The following HEATR1 variants were observed in gnomAD, a reference collection of about 807,000 sequenced individuals.
HEATR1 encodes the protein HEAT repeat-containing protein 1.
A neutral mutation model predicts 248.2 loss-of-function variants in HEATR1; 77 were observed. The ratio of observed to expected loss-of-function variants is 0.31; its 90% CI spans 0.26 to 0.37. The LOEUF is 0.37. Ranked by LOEUF, HEATR1 falls within the 10% of genes least tolerant of loss-of-function variation. The pLI is 1.00. For synonymous variants in HEATR1, 897 were observed against 923.1 expected (o/e 0.97, Z 0.51); for missense variants, 2,420 against 2,504.9 (o/e 0.97, Z 0.72).
chr1:236,600,542 T>TC (rs935066005), intron 3 of HEATR1, among the ~76,000 whole-genome samples: 8 of 151,670 alleles, frequency 5.3e-5, no homozygotes, highest in Non-Finnish European at 1.0e-4. Flanking sequence ...TTATTAGATT[T>TC]TTTTTTTTTT....
Position 236,553,728 on chromosome 1 carries a change from C to T in HEATR1, c.6090G>A (p.Arg2030=), listed in dbSNP as rs1378460333. Residue 2030 remains arginine (R), a synonymous_variant, in exon 43 of 45, where the codon AGG becomes AGA. Transcript: ENST00000366582. ...CCTGGAATTTCTCTTCTCCCCCAAG[C>T]CTGTTTTCCAGCTAGGAAGAGTAAG... ...MMPLVDQLEN[R]LGGEEKFQER... The T allele has an allele frequency of 6.2e-7, 1 of 1,611,976 alleles. No individual in the cohort carries two copies. The highest frequency in any genetic ancestry group is 1.1e-5 in the South Asian group (1 of 90,604).
In HEATR1 at chr1:236,549,114, G is replaced by C; in HGVS notation, c.*1788C>G. 1 of 397,566 alleles carries C rather than the reference G, an allele frequency of 2.5e-6. No homozygotes were observed. The allele number at this position is 397,566 out of a possible 1,614,324, so 24.6% of individuals were successfully genotyped here. On this transcript the variant is annotated 3_prime_UTR_variant, in exon 45 of 45. Transcript: ENST00000366582. ...GTACGCCAACTAAGGGACCCACAAAGCAGGCAGAGGTAATGCAGAAATCTG... is the reference window on the plus strand; with the variant it reads ...GTACGCCAACTAAGGGACCCACAAACCAGGCAGAGGTAATGCAGAAATCTG...
intron 4 of HEATR1, among the ~76,000 whole-genome samples, chr1:236,598,365 C>A (rs1664230259): frequency 6.6e-6 from 1 of 152,148 alleles, no homozygotes; most frequent in Non-Finnish European, 1.5e-5. Flanking sequence ...TAGGAAACTG[C>A]ACAACTTATA....
Position 236,574,795 on chromosome 1 carries a change from C to G in HEATR1, c.3193G>C (p.Gly1065Arg), listed in dbSNP as rs1663523608. ...GAAACTGAAAATTCATTATACTTTCCCAGAGTGAGATGCAGAACCATGGCC... is the reference window on the plus strand; with the variant it reads ...GAAACTGAAAATTCATTATACTTTCGCAGAGTGAGATGCAGAACCATGGCC... ...DEAMVLHLTL[G>R]KYNEFSVSLL... Residue 1065 changes from glycine to arginine, a missense_variant, in exon 23 of 45, where the codon GGA (glycine) becomes CGA (arginine). By Grantham distance (125) the Gly-to-Arg change is moderately radical (BLOSUM62 -2). Transcript: ENST00000366582. 6.2e-7 allele frequency: 1 copy of G among 1,613,850 alleles called. No homozygotes were observed. Among genetic ancestry groups the G allele is most frequent in the Admixed American group, 1.7e-5 (1 of 60,000 alleles).
rs936555791 is a variant in HEATR1, at chr1:236,589,823, T to C, written c.1530+1024A>G. 8.5e-5 allele frequency among the ~76,000 whole-genome samples: 13 copies of C among 152,312 alleles called. No individual in the cohort carries two copies. In the South Asian group the frequency reaches 2.1e-3, roughly 24 times the overall value. On this transcript the variant is annotated intron_variant, in intron 12 of 44. Coordinates refer to ENST00000366582, the MANE Select transcript of HEATR1 (RefSeq NM_018072.6). ...ATTCCTATTTTAATTATAGTAACTA[T>C]AGTAAAATGCATATACAATTAGCAC... is the stretch of plus-strand genomic sequence containing the variant.
chr1:236,600,118 ATTTTTT>A (rs67344658), intron 3 of HEATR1, among the ~76,000 whole-genome samples: 9 of 50,322 alleles, frequency 1.8e-4, no homozygotes, highest in African/African-American at 6.4e-4. Context: ...GTCTGTCAAC[ATTTTTT>A]TTTTTTTTTT....
chr1:236,590,842 C>A lies in HEATR1; in HGVS notation c.1530+5G>T. On this transcript the variant is annotated splice_donor_5th_base_variant and intron_variant, in intron 12 of 44. Transcript: ENST00000366582. Reference sequence around the variant, plus strand: ...AACCATATAAAAAAGCGATCTGAAACAAACCTTTGATGTTTTCATGATCTT... The same window carrying A: ...AACCATATAAAAAAGCGATCTGAAAAAAACCTTTGATGTTTTCATGATCTT... 1 of 1,429,214 alleles carries A rather than the reference C, an allele frequency of 7.0e-7. No homozygotes were observed. Among genetic ancestry groups the A allele is most frequent in the South Asian group, 1.6e-5 (1 of 63,472 alleles). The allele number at this position is 1,429,214 out of a possible 1,614,324, so 88.5% of individuals were successfully genotyped here. A position where few individuals can be genotyped will look rare whatever the true frequency, so the allele number is the denominator to read the frequency against.
At chr1:236,590,768 T>C (rs1337533270) in intron 12 of HEATR1, 79 bp downstream of exon 12, 1 of 579,410 alleles carries the variant, frequency 1.7e-6, no homozygotes, top group Non-Finnish European at 2.8e-6. Context: ...ACTTAGGTGG[T>C]AACTTCAATT....
chr1:236,583,007 T>A lies in HEATR1; in HGVS notation c.2425+6A>T. ...ACATTTAAAAGATTCACAGCTTGTA[T>A]CTTACCTTTAGGAAAAGATTTAGGA... On this transcript the variant is annotated splice_donor_region_variant and intron_variant, in intron 18 of 44. Transcript: ENST00000366582. 1 of 1,613,286 alleles carries A rather than the reference T, an allele frequency of 6.2e-7. No homozygotes were observed. Among genetic ancestry groups the A allele is most frequent in the Non-Finnish European group, 8.5e-7 (1 of 1,179,496 alleles).
Position 236,555,344 on chromosome 1 carries a change from C to T in HEATR1, c.5875G>A (p.Val1959Met), listed in dbSNP as rs1662936532. 1.9e-6 allele frequency: 3 copies of T among 1,614,238 alleles called. No individual in the cohort carries two copies. The highest frequency in any genetic ancestry group is 1.7e-5 in the Admixed American group (1 of 60,032). ...GLFTLFAGHL[V>M]KPFADTLNQV... is the part of the protein sequence containing the mutation. ...TTCAAGGTGTCAGCAAAAGGCTTCACTAAGTGGCCGGCAAACAGAGTAAAA... is the reference window on the plus strand; with the variant it reads ...TTCAAGGTGTCAGCAAAAGGCTTCATTAAGTGGCCGGCAAACAGAGTAAAA... Residue 1959 changes from valine to methionine, a missense_variant, in exon 41 of 45, where the codon GTG becomes ATG. Val to Met is a conservative substitution (Grantham distance 21). Coordinates refer to ENST00000366582, the MANE Select transcript of HEATR1 (RefSeq NM_018072.6).
At position 236,569,124 on chromosome 1, in the gene HEATR1, C is replaced by T. The variant is rs1441553336; in HGVS notation, c.3949G>A (p.Asp1317Asn). 1 of 1,569,928 alleles carries T rather than the reference C, an allele frequency of 6.4e-7. No homozygotes were observed. The highest frequency in any genetic ancestry group is 2.1e-5 in the Admixed American group (1 of 47,440). ...GACATGATATTGTGTAAAACTTTAT[C>T]CTGAAAGAAAACACAACTATCAACA... ...LLGTVAGIFP[D>N]KVLHNIMSIF... The change falls in exon 29 of 45, where the codon GAT becomes AAT. Residue 1317 changes from aspartate (D) to asparagine (N), a missense_variant and splice_region_variant. Asp to Asn is a conservative substitution (Grantham distance 23). Coordinates refer to ENST00000366582, the MANE Select transcript of HEATR1 (RefSeq NM_018072.6).
chr1:236,560,535 T>TCCTA (rs1316052357), intron 33 of HEATR1, among the ~76,000 whole-genome samples: 1 of 151,972 alleles, frequency 6.6e-6, no homozygotes, highest in African/African-American at 2.4e-5. Context: ...AAAACGAAAG[T>TCCTA]CCTACGCATA....
chr1:236,569,145 C>A, intron 28 of HEATR1, 21 bp from the exon 29 acceptor site: 1 of 1,533,512 alleles, frequency 6.5e-7, no homozygotes, highest in South Asian at 1.2e-5. Context: ...ACACAACTAT[C>A]AACATTTTTT....
intron 20 of HEATR1, among the ~76,000 whole-genome samples, chr1:236,577,294 G>C (rs1663588827): frequency 6.6e-6 from 1 of 151,914 alleles, no homozygotes; most frequent in Admixed American, 6.6e-5. Context: ...TGGGATTACA[G>C]GTGCACGCCA....
rs140571212 is a variant in HEATR1, at chr1:236,555,400, G to A, written c.5819C>T (p.Ala1940Val). Reference sequence around the variant, plus strand: ...TTTCAGCTTTTCAGCAATGCAATCTGCCAAGTTGTAAAATGTCAACAACCT... The same window carrying A: ...TTTCAGCTTTTCAGCAATGCAATCTACCAAGTTGTAAAATGTCAACAACCT... ...KDRLLTFYNLADCIAEKLKGL... is the reference protein window; with the variant it reads ...KDRLLTFYNLVDCIAEKLKGL... The change falls in exon 41 of 45, where the codon GCA (alanine) becomes GTA (valine). Residue 1940 changes from alanine to valine, a missense_variant. Coordinates refer to ENST00000366582, the MANE Select transcript of HEATR1 (RefSeq NM_018072.6). 5.0e-5 allele frequency: 80 copies of A among 1,614,084 alleles called. No individual in the cohort carries two copies. In the African/African-American group the frequency reaches 5.9e-4, roughly 12 times the overall value.
At chr1:236,574,970 G>A in intron 22 of HEATR1, 67 bp from the exon 23 acceptor site, 1 of 1,450,916 alleles carries the variant, frequency 6.9e-7, no homozygotes, top group African/African-American at 1.4e-5. Flanking sequence ...ACTCTACAGA[G>A]ACACTCAAAG....
At chr1:236,558,690 A>G (rs1199176879) in intron 35 of HEATR1, among the ~76,000 whole-genome samples, 161 bp from the exon 36 acceptor site, 1 of 152,188 alleles carries the variant, frequency 6.6e-6, no homozygotes, top group Admixed American at 6.5e-5. Context: ...CCAGTGTTTC[A>G]CTTATACAAA....
In HEATR1 at chr1:236,551,003, A is replaced by AAG. The variant is rs763613614; in HGVS notation, c.6347-14_6347-13insCT. The AAG allele has an allele frequency of 4.5e-6, 7 of 1,558,764 alleles. No individual in the cohort carries two copies. The African/African-American group carries it at 8.5e-5, about 19-fold the overall frequency. ...TCTTCACATTCATCTAAAAAAAAAA[A>AAG]AAAAAAATCAAAATTAAAATCTGAG... On this transcript the variant is annotated splice_polypyrimidine_tract_variant and intron_variant, in intron 44 of 44. Transcript: ENST00000366582.
chr1:236,592,732 T>TCATACTTATA (rs1664073908), intron 9 of HEATR1, 99 bp from the exon 10 acceptor site: 1 of 569,462 alleles, frequency 1.8e-6, no homozygotes, highest in Non-Finnish European at 3.2e-6. Flanking sequence ...TCTCTAATTG[T>TCATACTTATA]CATACTTATA....
Sources: gnomAD v4.1 joint callset for allele counts (sites outside exome capture counted in the v4.1 genomes callset) on GRCh38, gnomAD v4.1.1 for gene constraint, MANE v1.5 for transcripts, NCBI Gene and HGNC (gene_info 2026-07-23, HGNC 2026-07-21) for gene names.